Variants in GLIS3 observed in about 807,000 individuals in gnomAD.
The protein encoded by GLIS3 is zinc finger protein GLIS3.
Under a neutral mutation model 78.6 loss-of-function variants are expected in GLIS3, and 53 were observed. That is an observed-to-expected ratio of 0.67 (90% CI 0.54 to 0.85). The LOEUF is 0.85. GLIS3 is among the 40% of genes least tolerant of loss of function. The pLI, the probability that GLIS3 is intolerant of heterozygous loss-of-function variation, is 0.00. For synonymous variants in GLIS3, 684 were observed against 509.9 expected (o/e 1.34, Z -4.60); for missense variants, 1,703 against 1,231.1 (o/e 1.38, Z -5.74).
At chr9:4,078,388 G>A (rs186490639) in intron 4 of GLIS3, among the ~76,000 whole-genome samples, 1 of 125,446 alleles carries the variant, frequency 8.0e-6, no homozygotes, top group Non-Finnish European at 1.8e-5. Flanking sequence ...TTCAGCAGGG[G>A]TTTGTCTGAC....
At chr9:4,218,429 C>G (rs1821043929) in intron 2 of GLIS3, among the ~76,000 whole-genome samples, 1 of 152,208 alleles carries the variant, frequency 6.6e-6, no homozygotes, top group Non-Finnish European at 1.5e-5. Flanking sequence ...CAGGCACCCG[C>G]CACCACACTC....
At chr9:4,474,841 C>T in the GLIS3 span, among the ~76,000 whole-genome samples, 35 of 151,736 alleles carry the variant, frequency 2.3e-4, no homozygotes, top group Non-Finnish European at 3.7e-4. Context: ...GGACTACATG[C>T]ACCTGCCACC....
chr9:4,078,443 T>A (rs1275125766), intron 4 of GLIS3, among the ~76,000 whole-genome samples: 1 of 152,148 alleles, frequency 6.6e-6, no homozygotes, highest in Admixed American at 6.6e-5. Flanking sequence ...AATCTTCTGA[T>A]TCTGTAACAA....
At chr9:4,021,696 G>C (rs1822898384) in intron 4 of GLIS3, among the ~76,000 whole-genome samples, 1 of 152,120 alleles carries the variant, frequency 6.6e-6, no homozygotes, top group East Asian at 1.9e-4. Context: ...GGGATACCTT[G>C]GGGCTTAGAG....
chr9:4,167,787 T>A (rs578218185), intron 2 of GLIS3, among the ~76,000 whole-genome samples: 1 of 152,348 alleles, frequency 6.6e-6, no homozygotes, highest in African/African-American at 2.4e-5. Flanking sequence ...GTAATACTTA[T>A]TTTCTAACAG....
rs1455173 is a variant in GLIS3, at chr9:3,829,793, C to G, written c.2474-301G>C. Among the ~76,000 whole-genome samples, 21,105 of 152,126 alleles carry G rather than the reference C, an allele frequency of 0.14. 1,567 individuals are homozygous for G. The highest frequency in any genetic ancestry group is 0.27 in the South Asian group (1,316 of 4,806). Reference sequence around the variant, plus strand: ...TCTGAAGAGTCCTGGACATTCAAGGCCTGACCTTCAGGGGAGGTTCCTACC... The same window carrying G: ...TCTGAAGAGTCCTGGACATTCAAGGGCTGACCTTCAGGGGAGGTTCCTACC... On this transcript the variant is annotated intron_variant, in intron 9 of 10. Coordinates refer to ENST00000381971, the MANE Select transcript of GLIS3 (RefSeq NM_001042413.2).
chr9:4,320,872 T>C (rs976428903), intron 2 of GLIS3, among the ~76,000 whole-genome samples: 20 of 152,146 alleles, frequency 1.3e-4, no homozygotes, highest in Non-Finnish European at 2.8e-4. Context: ...TTCAATCTGA[T>C]CATTACACTG....
At chr9:3,907,723 TG>T (rs1243539866) in intron 6 of GLIS3, among the ~76,000 whole-genome samples, 1 of 152,038 alleles carries the variant, frequency 6.6e-6, no homozygotes, top group Non-Finnish European at 1.5e-5. Context: ...GAGCTCCCTG[TG>T]GGATTGGGCT....
At chr9:4,088,832 T>A (rs1309376842) in intron 4 of GLIS3, among the ~76,000 whole-genome samples, 1 of 152,264 alleles carries the variant, frequency 6.6e-6, no homozygotes, top group Non-Finnish European at 1.5e-5. Context: ...AAAATGGATA[T>A]TTCTTTTCAA....
At chr9:4,315,156 A>C (rs921233644) in intron 2 of GLIS3, among the ~76,000 whole-genome samples, 1 of 152,190 alleles carries the variant, frequency 6.6e-6, no homozygotes, top group Admixed American at 6.5e-5. Context: ...GATCTCAGTT[A>C]ATTTGGGAAG....
chr9:4,131,170 G>C (rs1832947589), intron 2 of GLIS3, among the ~76,000 whole-genome samples: 1 of 152,180 alleles, frequency 6.6e-6, no homozygotes. Flanking sequence ...TTGTATCTTA[G>C]CAGTAATTAA....
chr9:3,870,673 A>C (rs1203599534), intron 8 of GLIS3, among the ~76,000 whole-genome samples: 2 of 152,234 alleles, frequency 1.3e-5, no homozygotes, highest in Non-Finnish European at 2.9e-5. Context: ...CCATGAGAAC[A>C]GTATGAGGGA....
At chr9:4,234,086 A>G (rs1822504975) in intron 2 of GLIS3, among the ~76,000 whole-genome samples, 1 of 152,122 alleles carries the variant, frequency 6.6e-6, no homozygotes, top group Non-Finnish European at 1.5e-5. Flanking sequence ...TGTGGTCAGT[A>G]TGACTGTCCA....
At chr9:4,373,661 TTTTC>T in the GLIS3 span, among the ~76,000 whole-genome samples, 1 of 150,570 alleles carries the variant, frequency 6.6e-6, no homozygotes, top group African/African-American at 2.5e-5. Context: ...GAAAACATAA[TTTTC>T]TTTTCTTTTT....
intron 2 of GLIS3, among the ~76,000 whole-genome samples, chr9:4,204,336 T>C (rs1044726809): frequency 6.6e-6 from 1 of 152,148 alleles, no homozygotes; most frequent in African/African-American, 2.4e-5. Context: ...TTTTTGTACA[T>C]ATAACCATCT....
intron 2 of GLIS3, among the ~76,000 whole-genome samples, chr9:4,317,875 A>C (rs140272761): frequency 2.0e-3 from 302 of 152,336 alleles, no homozygotes; most frequent in African/African-American, 7.0e-3. Flanking sequence ...AAGCAGATGG[A>C]AGTTATTATC....
chr9:4,076,368 CTAT>C (rs1197629189), intron 4 of GLIS3, among the ~76,000 whole-genome samples: 1 of 152,266 alleles, frequency 6.6e-6, no homozygotes, highest in South Asian at 2.1e-4. Context: ...AACTGTGATC[CTAT>C]TATACTATGC....
At chr9:4,301,029 C>T (rs4741944), upstream of GLIS3, among the ~76,000 whole-genome samples, 140,795 of 152,116 alleles carry the variant, frequency 0.93, 66,135 homozygotes, top group East Asian at 1. Flanking sequence ...TTGATCAAGA[C>T]AGAAGTCCTC....
chr9:4,384,612 T>C, the GLIS3 span, among the ~76,000 whole-genome samples: 2 of 151,502 alleles, frequency 1.3e-5, no homozygotes, highest in Non-Finnish European at 2.9e-5. Flanking sequence ...GACTCTCTAA[T>C]TTCTTCCCTG....
Sources: gnomAD v4.1 joint callset for allele counts (sites outside exome capture counted in the v4.1 genomes callset) on GRCh38, gnomAD v4.1.1 for gene constraint, MANE v1.5 for transcripts, NCBI Gene and HGNC (gene_info 2026-07-23, HGNC 2026-07-21) for gene names.